Variants in PSD2 observed in about 807,000 individuals in gnomAD.
The protein encoded by PSD2 is pleckstrin and Sec7 domain containing 2.
Under a neutral mutation model 69.8 loss-of-function variants are expected in PSD2, and 38 were observed. The observed-to-expected ratio is 0.54, with a 90% confidence interval of 0.42 to 0.71. The LOEUF is 0.71. Among genes scored for constraint, PSD2 ranks in the 30% least tolerant of loss-of-function variants. The pLI, the probability that PSD2 is intolerant of heterozygous loss-of-function variation, is 0.00. For synonymous variants in PSD2, 412 were observed against 423.0 expected (o/e 0.97, Z 0.32); for missense variants, 943 against 1,014.5 (o/e 0.93, Z 0.96).
the PSD2 span, among the ~76,000 whole-genome samples, chr5:139,788,404 C>T: frequency 6.6e-6 from 1 of 151,892 alleles, no homozygotes; most frequent in Non-Finnish European, 1.5e-5. Context: ...CTAACCGCGC[C>T]GCGCGCCCCG....
At chr5:139,756,055 G>A in the PSD2 span, among the ~76,000 whole-genome samples, 1 of 152,208 alleles carries the variant, frequency 6.6e-6, no homozygotes, top group Non-Finnish European at 1.5e-5. Context: ...CGCCAGGTGA[G>A]CGCAGCCCCC....
the PSD2 span, among the ~76,000 whole-genome samples, chr5:139,743,518 T>G: frequency 2.4e-4 from 37 of 152,292 alleles, no homozygotes; most frequent in Admixed American, 5.2e-4. Context: ...ATCTGTAAGA[T>G]TGTATGTTTC....
chr5:139,784,014 G>A, the PSD2 span, among the ~76,000 whole-genome samples: 21 of 140,158 alleles, frequency 1.5e-4, no homozygotes, highest in African/African-American at 5.3e-4. Context: ...GCATGATCTC[G>A]GCTCACTGCA....
At chr5:139,821,653 G>C (rs954375920) in intron 5 of PSD2, among the ~76,000 whole-genome samples, 2 of 152,216 alleles carry the variant, frequency 1.3e-5, no homozygotes, top group African/African-American at 4.8e-5. Context: ...AATTTCAGAA[G>C]GTCCCTGGAG....
chr5:139,800,385 G>A (rs1759642549), intron 1 of PSD2, among the ~76,000 whole-genome samples: 1 of 152,222 alleles, frequency 6.6e-6, no homozygotes, highest in Admixed American at 6.5e-5. Flanking sequence ...AGGTTCTGAA[G>A]TTGTCGCCTC....
the PSD2 span, among the ~76,000 whole-genome samples, chr5:139,763,995 C>T: frequency 6.6e-6 from 1 of 152,178 alleles, no homozygotes; most frequent in Admixed American, 6.5e-5. Flanking sequence ...TCTGCCTCAC[C>T]CTGACTACAT....
intron 14 of PSD2, among the ~76,000 whole-genome samples, 190 bp from the exon 15 acceptor site, chr5:139,842,081 G>A (rs145426643): frequency 3.3e-5 from 5 of 152,220 alleles, no homozygotes; most frequent in African/African-American, 9.6e-5. Context: ...CAATTATTTG[G>A]ATTTTTCAAA....
the PSD2 span, among the ~76,000 whole-genome samples, chr5:139,756,087 G>C: frequency 6.6e-6 from 1 of 152,144 alleles, no homozygotes; most frequent in African/African-American, 2.4e-5. Context: ...CGCTGCTCTG[G>C]GCTGAGCCTC....
chr5:139,829,518 C>G (rs1395367757), intron 7 of PSD2, among the ~76,000 whole-genome samples: 1 of 152,206 alleles, frequency 6.6e-6, no homozygotes, highest in Non-Finnish European at 1.5e-5. Flanking sequence ...TGGCCCCTGG[C>G]TAATGCTATT....
chr5:139,769,390 C>T, the PSD2 span, among the ~76,000 whole-genome samples: 13 of 152,052 alleles, frequency 8.5e-5, no homozygotes, highest in African/African-American at 2.4e-5. Flanking sequence ...GGTCAGAGTG[C>T]GATAAGTCCC....
At chr5:139,792,387 C>A (rs980201322), upstream of PSD2, among the ~76,000 whole-genome samples, 3 of 152,134 alleles carry the variant, frequency 2.0e-5, no homozygotes. Context: ...GTCCCTCTGT[C>A]CCTGCCCAAG....
At chr5:139,832,138 G>T (rs1006967) in intron 7 of PSD2, among the ~76,000 whole-genome samples, 17,803 of 152,212 alleles carry the variant, frequency 0.12, 1,578 homozygotes, top group African/African-American at 0.25. Context: ...GTCTGATATT[G>T]CTCAGATTAG....
intron 7 of PSD2, among the ~76,000 whole-genome samples, chr5:139,823,932 C>T (rs1040365684): frequency 6.6e-6 from 1 of 152,216 alleles, no homozygotes; most frequent in Non-Finnish European, 1.5e-5. Flanking sequence ...GCTAGAGCCT[C>T]AGTGCCTGCG....
chr5:139,802,481 C>T (rs571241633), intron 1 of PSD2, among the ~76,000 whole-genome samples: 15 of 151,556 alleles, frequency 9.9e-5, no homozygotes, highest in African/African-American at 3.4e-4. Context: ...ACTCTCAACC[C>T]ACAGGCTCAT....
At chr5:139,766,841 T>C in the PSD2 span, among the ~76,000 whole-genome samples, 685 of 143,886 alleles carry the variant, frequency 4.8e-3, 18 homozygotes, top group African/African-American at 0.011. Flanking sequence ...CTTTCTTTCT[T>C]TCTTTCTTTC....
chr5:139,840,077 G>C lies in PSD2; in HGVS notation c.2019G>C (p.Glu673Asp), dbSNP rs1343532010. 8.7e-6 allele frequency: 14 copies of C among 1,614,128 alleles called. No individual in the cohort carries two copies. The highest frequency in any genetic ancestry group is 1.2e-5 in the Non-Finnish European group (14 of 1,180,042). Reference protein sequence around the residue: ...HENKLRQLTAELAEHRCHPVE... With the variant: ...HENKLRQLTADLAEHRCHPVE... ...ATAAGTTGAGGCAGCTGACTGCGGA[G>C]CTGGCCGAACACAGGTGTCACCCAG... Residue 673 changes from glutamate (E) to aspartate (D), a missense_variant, in exon 14 of 15, where the codon GAG becomes GAC. By Grantham distance (45) the Glu-to-Asp change is conservative. Transcript: ENST00000274710.
rs1373394717 is a variant in PSD2, at chr5:139,813,416, C to A, written c.479C>A (p.Ser160Tyr). 1 of 1,613,768 alleles carries A rather than the reference C, an allele frequency of 6.2e-7. No homozygotes were observed. The highest frequency in any genetic ancestry group is 8.5e-7 in the Non-Finnish European group (1 of 1,179,780). The change falls in exon 3 of 15, where the codon TCC becomes TAC. Residue 160 changes from serine (S) to tyrosine (Y), a missense_variant. By Grantham distance (144) the Ser-to-Tyr change is moderately radical. Transcript: ENST00000274710. ...LRGTQYSSLD[S>Y]LDGLSLTDES... ...GGCACCCAGTACAGCAGCCTCGACTCCCTAGACGGGCTGAGCCTCACGGAT... is the reference window on the plus strand; with the variant it reads ...GGCACCCAGTACAGCAGCCTCGACTACCTAGACGGGCTGAGCCTCACGGAT...
chr5:139,779,309 A>T, the PSD2 span, among the ~76,000 whole-genome samples: 10 of 152,172 alleles, frequency 6.6e-5, no homozygotes, highest in African/African-American at 2.4e-4. Context: ...AATTTCAGAC[A>T]TACAAAAAAG....
chr5:139,767,614 C>G, the PSD2 span, among the ~76,000 whole-genome samples: 1 of 152,160 alleles, frequency 6.6e-6, no homozygotes, highest in Non-Finnish European at 1.5e-5. Flanking sequence ...GGCATCTGGC[C>G]CCTCCTGTCT....
Sources: gnomAD v4.1 joint callset for allele counts (sites outside exome capture counted in the v4.1 genomes callset) on GRCh38, gnomAD v4.1.1 for gene constraint, MANE v1.5 for transcripts, NCBI Gene and HGNC (gene_info 2026-07-23, HGNC 2026-07-21) for gene names.